The following FAM117A variants were observed in gnomAD, a reference collection of about 807,000 sequenced individuals.
The protein encoded by FAM117A is family with sequence similarity 117 member A.
Under a neutral mutation model 44.1 loss-of-function variants are expected in FAM117A, and 21 were observed. The observed-to-expected ratio is 0.48, with a 90% CI of 0.34 to 0.69. The LOEUF (loss-of-function observed/expected upper bound fraction) is 0.69. FAM117A is among the 30% of genes least tolerant of loss of function. FAM117A has a pLI of 0.01. For synonymous variants in FAM117A, 220 were observed against 238.3 expected (o/e 0.92, Z 0.71); for missense variants, 498 against 589.9 (o/e 0.84, Z 1.61).
At chr17:49,726,624 G>C (rs2073561194) in intron 2 of FAM117A, among the ~76,000 whole-genome samples, 1 of 152,188 alleles carries the variant, frequency 6.6e-6, no homozygotes, top group Admixed American at 6.5e-5. Flanking sequence ...CCCAAGGTTA[G>C]ATAGGACTCC....
chr17:49,725,624 C>T (rs1369710954), intron 2 of FAM117A, among the ~76,000 whole-genome samples: 1 of 152,196 alleles, frequency 6.6e-6, no homozygotes, highest in African/African-American at 2.4e-5. Flanking sequence ...ACAGCCAGTG[C>T]AAAGGCCCTG....
At chr17:49,757,150 A>C (rs1449036795) in intron 1 of FAM117A, among the ~76,000 whole-genome samples, 2 of 151,622 alleles carry the variant, frequency 1.3e-5, no homozygotes, top group Admixed American at 6.6e-5. Flanking sequence ...TCAAACTGCT[A>C]ATGTGTAGGC....
chr17:49,756,810 C>T (rs957906100), intron 1 of FAM117A, among the ~76,000 whole-genome samples: 1 of 150,734 alleles, frequency 6.6e-6, no homozygotes, highest in Non-Finnish European at 1.5e-5. Flanking sequence ...CAGCTATTTG[C>T]GAGGCTGAGG....
intron 1 of FAM117A, among the ~76,000 whole-genome samples, chr17:49,783,116 G>A (rs776373023): frequency 1.3e-5 from 2 of 152,220 alleles, no homozygotes; most frequent in Non-Finnish European, 2.9e-5. Context: ...TGTGGGCATG[G>A]AGAACCCAGG....
chr17:49,732,825 C>T, intron 1 of FAM117A, 105 bp from the exon 2 acceptor site: 1 of 1,196,406 alleles, frequency 8.4e-7, no homozygotes, highest in Admixed American at 2.1e-5. Flanking sequence ...CCCGTCTTCA[C>T]TCATATCCAC....
intron 1 of FAM117A, among the ~76,000 whole-genome samples, chr17:49,752,970 C>A (rs1323859109): frequency 6.6e-6 from 1 of 151,790 alleles, no homozygotes; most frequent in Non-Finnish European, 1.5e-5. Flanking sequence ...TCAAGTGATT[C>A]CCCTACCTTA....
chr17:49,733,871 G>C (rs1051598081), intron 1 of FAM117A, among the ~76,000 whole-genome samples: 4 of 152,022 alleles, frequency 2.6e-5, no homozygotes, highest in Non-Finnish European at 5.9e-5. Flanking sequence ...GGCTGGGCGT[G>C]GTGGCTCAAG....
Position 49,745,034 on chromosome 17 carries a change from C to A in FAM117A, c.197-12314G>T, listed in dbSNP as rs948539660. ...GTCTCAAAAAAAAAAAAAAAAAAAA[C>A]ACACACACACACAAGAAAAAATAAG... On this transcript the variant is annotated intron_variant, in intron 1 of 7. Transcript: ENST00000240364. Among the ~76,000 whole-genome samples, 817 of 112,344 alleles carry A rather than the reference C, an allele frequency of 7.3e-3. 7 individuals carry two copies. The highest frequency in any genetic ancestry group is 0.027 in the African/African-American group (764 of 28,588). 73.7% of individuals were successfully genotyped at this position (112,344 alleles called of 152,430 possible). A position where few individuals can be genotyped will look rare whatever the true frequency, so the allele number is the denominator to read the frequency against.
intron 7 of FAM117A, among the ~76,000 whole-genome samples, chr17:49,713,867 G>A (rs1015459125): frequency 5.3e-5 from 8 of 152,144 alleles, no homozygotes; most frequent in Non-Finnish European, 1.2e-4. Flanking sequence ...AAGGTGTGAA[G>A]AGAAGAGCAG....
chr17:49,788,395 C>CGACCGAGAAGG (rs3842377), intron 1 of FAM117A: 61,996 of 166,004 alleles, frequency 0.37, 14,366 homozygotes, highest in East Asian at 0.66. Flanking sequence ...GAAATTAAAA[C>CGACCGAGAAGG]GAAATTTTGC....
chr17:49,788,120 G>A (rs1206861671), intron 1 of FAM117A, among the ~76,000 whole-genome samples: 1 of 152,194 alleles, frequency 6.6e-6, no homozygotes, highest in Non-Finnish European at 1.5e-5. Flanking sequence ...CTTGCTGTTA[G>A]CTAAGGGCAA....
chr17:49,724,753 A>G (rs1203767827), intron 2 of FAM117A, among the ~76,000 whole-genome samples: 3 of 147,130 alleles, frequency 2.0e-5, no homozygotes, highest in Non-Finnish European at 4.5e-5. Context: ...CTCAAGAGGT[A>G]GAGGTTGCAG....
chr17:49,742,300 A>C (rs2073637855), intron 1 of FAM117A, among the ~76,000 whole-genome samples: 1 of 152,204 alleles, frequency 6.6e-6, no homozygotes, highest in Non-Finnish European at 1.5e-5. Context: ...AGGCAGCTGG[A>C]GAGACAGGCC....
intron 2 of FAM117A, among the ~76,000 whole-genome samples, chr17:49,730,691 C>T (rs1031062945): frequency 7.9e-5 from 12 of 152,198 alleles, no homozygotes; most frequent in Admixed American, 4.6e-4. Flanking sequence ...TGTGTGCTCC[C>T]AGGCCTGTGA....
rs557088512 is a variant in FAM117A at position 49,757,812 on chromosome 17, C to T, written c.196+6080G>A. The stretch of plus-strand genomic sequence containing the variant: ...GCCCTCTGTGAAGATTGAACCTAGA[C>T]GAAGGGGGGAAACTGACCAGATTTC... On this transcript the variant is annotated intron_variant, in intron 1 of 7. Transcript: ENST00000240364. 3.9e-5 allele frequency among the ~76,000 whole-genome samples: 6 copies of T among 152,278 alleles called. No individual in the cohort carries two copies. In the South Asian group the frequency reaches 1.0e-3, roughly 26 times the overall value.
chr17:49,765,698 G>T (rs1248810978), upstream of FAM117A: 1 of 152,118 alleles, frequency 6.6e-6, no homozygotes, highest in Non-Finnish European at 1.5e-5. Context: ...TTTCCATGAA[G>T]AGGACAATCT....
At chr17:49,754,455 C>A (rs2073689887) in intron 1 of FAM117A, among the ~76,000 whole-genome samples, 3 of 152,036 alleles carry the variant, frequency 2.0e-5, no homozygotes, top group African/African-American at 7.2e-5. Flanking sequence ...CAGGAGCCCA[C>A]CACCACGCCC....
chr17:49,720,289 G>C, intron 4 of FAM117A, 37 bp downstream of exon 4: 1 of 1,540,854 alleles, frequency 6.5e-7, no homozygotes, highest in Non-Finnish European at 9.0e-7. Context: ...CTGCATGGAG[G>C]AGAACAGAGG....
intron 1 of FAM117A, among the ~76,000 whole-genome samples, chr17:49,747,573 C>G (rs1340180682): frequency 1.3e-5 from 2 of 152,192 alleles, no homozygotes; most frequent in African/African-American, 2.4e-5. Flanking sequence ...TTCTCTACCC[C>G]CCGCATCCTT....
Sources: allele counts gnomAD v4.1 joint callset (sites outside exome capture counted in the v4.1 genomes callset), GRCh38; gene constraint gnomAD v4.1.1; transcripts MANE v1.5; gene names NCBI Gene and HGNC (gene_info 2026-07-23, HGNC 2026-07-21).